The following CILK1 variants were observed in gnomAD, a reference collection of about 807,000 sequenced individuals.
The protein encoded by CILK1 is ciliogenesis associated kinase 1, also known as serine/threonine-protein kinase ICK.
In CILK1, 47 loss-of-function variants were observed where a neutral mutation model predicts 79.2. That is an observed-to-expected ratio of 0.59 (90% confidence interval 0.47 to 0.76). CILK1 has a LOEUF of 0.76. Among genes scored for constraint, CILK1 ranks in the 30% least tolerant of loss-of-function variants. The probability of loss-of-function intolerance (pLI) is 0.00; values close to 1 mark genes in which losing one functional copy is unlikely to be tolerated. For missense variants in CILK1, 660 were observed against 769.5 expected, an observed-to-expected ratio of 0.86 and a Z score of 1.68; for synonymous variants, 266 against 275.9, an observed-to-expected ratio of 0.96 and a Z score of 0.36.
intron 3 of CILK1, 76 bp downstream of exon 3, chr6:53,037,863 T>C: frequency 4.5e-6 from 4 of 882,134 alleles, no homozygotes; most frequent in Admixed American, 2.0e-5. Flanking sequence ...GAAATGACTA[T>C]ATCAACTATA....
At chr6:53,044,825 C>T (rs888994150) in intron 1 of CILK1, among the ~76,000 whole-genome samples, 11 of 152,198 alleles carry the variant, frequency 7.2e-5, no homozygotes, top group African/African-American at 2.2e-4. Flanking sequence ...ACAGGAAAAA[C>T]GCAGCCATCT....
intron 1 of CILK1, among the ~76,000 whole-genome samples, chr6:53,042,114 CA>C (rs1474947769): frequency 6.6e-6 from 1 of 152,124 alleles, no homozygotes; most frequent in Non-Finnish European, 1.5e-5. Context: ...TCACAGTTTC[CA>C]AAGAACCTAT....
chr6:53,012,194 C>G lies in CILK1; in HGVS notation c.1186G>C (p.Glu396Gln), dbSNP rs777408147. ...CTTCTCCTACTCTTTGGCTTTATCTCACCATTTTTGTGCTCCAGGCCAGCT... is the reference window on the plus strand; with the variant it reads ...CTTCTCCTACTCTTTGGCTTTATCTGACCATTTTTGTGCTCCAGGCCAGCT... The part of the protein sequence containing the change: ...ITAGLEHKNG[E>Q]IKPKSRRRWG... The change falls in exon 10 of 14, where the codon GAG becomes CAG. Residue 396 changes from glutamate (E) to glutamine (Q), a missense_variant. Glu to Gln is a conservative substitution (Grantham distance 29, BLOSUM62 2). Transcript: ENST00000676107. The G allele has an allele frequency of 3.7e-6, 6 of 1,614,156 alleles. No homozygotes were observed. In the Admixed American group the frequency reaches 1.0e-4, roughly 27 times the overall value.
chr6:53,050,068 A>AT (rs2127463472), intron 1 of CILK1, among the ~76,000 whole-genome samples: 1 of 152,208 alleles, frequency 6.6e-6, no homozygotes, highest in South Asian at 2.1e-4. Context: ...TCTAATGACT[A>AT]TTTTTAGTGT....
intron 5 of CILK1, among the ~76,000 whole-genome samples, chr6:53,026,206 C>G (rs1293510706): frequency 6.6e-6 from 1 of 152,082 alleles, no homozygotes; most frequent in Non-Finnish European, 1.5e-5. Flanking sequence ...ACTCTGTCAC[C>G]CAGGCTGGAG....
chr6:53,046,425 G>A (rs1452927643), intron 1 of CILK1, among the ~76,000 whole-genome samples: 2 of 152,094 alleles, frequency 1.3e-5, no homozygotes, highest in Non-Finnish European at 2.9e-5. Flanking sequence ...GATTATCACT[G>A]GGAAAGCTAT....
chr6:53,011,676 TC>T, intron 11 of CILK1, 92 bp downstream of exon 11: 1 of 1,205,074 alleles, frequency 8.3e-7, no homozygotes, highest in Non-Finnish European at 1.2e-6. Context: ...CCCCCTAGTA[TC>T]TGCCTTCTAA....
intron 1 of CILK1, among the ~76,000 whole-genome samples, chr6:53,047,161 T>C (rs574284673): frequency 2.6e-5 from 4 of 152,320 alleles, no homozygotes; most frequent in South Asian, 2.1e-4. Context: ...CCAGGTCTAA[T>C]GTGCAACCAG....
chr6:53,028,250 A>T (rs1396773527), intron 5 of CILK1, among the ~76,000 whole-genome samples: 1 of 152,124 alleles, frequency 6.6e-6, no homozygotes, highest in African/African-American at 2.4e-5. Flanking sequence ...TGGGAGGCAG[A>T]GGTTGCAGTG....
At chr6:53,059,661 T>C (rs542026220) in intron 1 of CILK1, among the ~76,000 whole-genome samples, 1 of 152,286 alleles carries the variant, frequency 6.6e-6, no homozygotes, top group East Asian at 1.9e-4. Flanking sequence ...CAGAGATGCA[T>C]GCTGAAATGA....
In CILK1 at chr6:53,019,325, G is replaced by C; in HGVS notation, c.393C>G (p.Leu131=). Residue 131 remains leucine (L), a synonymous_variant, in exon 6 of 14, where the codon CTC becomes CTG. Transcript: ENST00000676107. ...TCACAAGTTCTGGTCCCATGCAGAG[G>C]AGGTTCTCAGGCTTTAAGTCTCGAT... The part of the protein sequence containing the change: ...FFHRDLKPEN[L]LCMGPELVKI... 6.2e-7 allele frequency: 1 copy of C among 1,614,136 alleles called. No individual in the cohort carries two copies. Among genetic ancestry groups the C allele is most frequent in the Non-Finnish European group, 8.5e-7 (1 of 1,179,986 alleles).
chr6:53,055,157 T>TA (rs2127470132), intron 1 of CILK1, among the ~76,000 whole-genome samples: 1 of 152,338 alleles, frequency 6.6e-6, no homozygotes, highest in African/African-American at 2.4e-5. Flanking sequence ...CTTTCATTTA[T>TA]CCTCCTAGGA....
At chr6:53,018,840 C>A (rs1361934630) in intron 6 of CILK1, among the ~76,000 whole-genome samples, 1 of 152,206 alleles carries the variant, frequency 6.6e-6, no homozygotes, top group Non-Finnish European at 1.5e-5. Flanking sequence ...AAAAAACCTA[C>A]AACTTGTGTG....
Position 53,011,780 on chromosome 6 carries a change from C to G in CILK1, c.1481G>C (p.Arg494Pro). 1 of 1,613,994 alleles carries G rather than the reference C, an allele frequency of 6.2e-7. No individual in the cohort carries two copies. Among genetic ancestry groups the G allele is most frequent in the Non-Finnish European group, 8.5e-7 (1 of 1,179,932 alleles). ...AAKQHYLKHS[R>P]YLPGISIRNG... ...GTCATTTATATTACCAGGCAAGTAT[C>G]GAGAGTGCTTCAAATAGTGCTGCTT... is the stretch of plus-strand genomic sequence containing the variant. Residue 494 changes from arginine (R) to proline (P), a missense_variant, in exon 11 of 14, where the codon CGA becomes CCA. Transcript: ENST00000676107.
chr6:53,018,280 C>A lies in CILK1; in HGVS notation c.663+50G>T, dbSNP rs779697007. 3.8e-6 allele frequency: 6 copies of A among 1,560,580 alleles called. No individual in the cohort carries two copies. The Admixed American group carries it at 1.0e-4, about 26-fold the overall frequency. Reference sequence around the variant, plus strand: ...GCTGAACAGGGCTGAGCGGAGGAAGCATGGGAAGCTGTTGGCTTTGGCCCA... The same window carrying A: ...GCTGAACAGGGCTGAGCGGAGGAAGAATGGGAAGCTGTTGGCTTTGGCCCA... On this transcript the variant is annotated intron_variant, in intron 7 of 13. Transcript: ENST00000676107.
At position 53,012,112 on chromosome 6, in the gene CILK1, T is replaced by A. The variant is rs1764608219; in HGVS notation, c.1268A>T (p.Asp423Val). Residue 423 changes from aspartate (D) to valine (V), a missense_variant, in exon 10 of 14, where the codon GAC (aspartate) becomes GTC (valine). Coordinates refer to ENST00000676107, the MANE Select transcript of CILK1 (RefSeq NM_014920.5). ...KDSDDWADLD[D>V]LDFSPSLSRI... ...GCTGAGGGATGGACTGAAATCCAAG[T>A]CATCCAAGTCAGCCCAATCATCTGA... The A allele has an allele frequency of 6.2e-7, 1 of 1,614,070 alleles. No homozygotes were observed. Among genetic ancestry groups the A allele is most frequent in the African/African-American group, 1.3e-5 (1 of 74,924 alleles).
rs111355649 is a variant in CILK1, at chr6:53,012,176, T to A, written c.1204A>T (p.Arg402Trp). Residue 402 changes from arginine (R) to tryptophan (W), a missense_variant, in exon 10 of 14, where the codon AGG (arginine) becomes TGG (tryptophan). Arg to Trp is a moderately radical substitution (Grantham distance 101). Coordinates refer to ENST00000676107, the MANE Select transcript of CILK1 (RefSeq NM_014920.5). ...HKNGEIKPKSRRRWGLISRST... is the reference protein window; with the variant it reads ...HKNGEIKPKSWRRWGLISRST... ...CTGGAAATAAGACCCCACCTTCTCC[T>A]ACTCTTTGGCTTTATCTCACCATTT... 1.2e-6 allele frequency: 2 copies of A among 1,614,208 alleles called. No individual in the cohort carries two copies. The highest frequency in any genetic ancestry group is 3.3e-5 in the Admixed American group (2 of 60,030).
intron 5 of CILK1, among the ~76,000 whole-genome samples, chr6:53,029,185 CTT>C (rs1765766441): frequency 6.6e-6 from 1 of 152,184 alleles, no homozygotes; most frequent in Non-Finnish European, 1.5e-5. Flanking sequence ...TGTGTTATCT[CTT>C]TTGAGAATCC....
At chr6:53,031,256 T>C in intron 4 of CILK1, 112 bp from the exon 5 acceptor site, 2 of 716,460 alleles carry the variant, frequency 2.8e-6, no homozygotes. Context: ...AAACACCAAA[T>C]ATAGTCACAT....
Sources: allele counts gnomAD v4.1 joint callset (sites outside exome capture counted in the v4.1 genomes callset), GRCh38; gene constraint gnomAD v4.1.1; transcripts MANE v1.5; gene names NCBI Gene and HGNC (gene_info 2026-07-23, HGNC 2026-07-21).